STKLD1: variants seen among roughly 807,000 people sequenced by gnomAD.
STKLD1 encodes serine/threonine kinase-like domain-containing protein STKLD1.
STKLD1 carries 79 observed loss-of-function variants against 80.4 expected under a neutral mutation model. The ratio of observed to expected loss-of-function variants is 0.98; its 90% CI spans 0.82 to 1.19. The LOEUF (loss-of-function observed/expected upper bound fraction) is 1.19. Ranked by LOEUF, STKLD1 falls within the 50% of genes most tolerant of loss-of-function variation. The pLI, the probability that STKLD1 is intolerant of heterozygous loss-of-function variation, is 0.00. For missense variants in STKLD1, 841 were observed against 856.0 expected, an observed-to-expected ratio of 0.98 and a Z score of 0.22; for synonymous variants, 393 against 357.6, an observed-to-expected ratio of 1.10 and a Z score of -1.12.
chr9:133,401,986 G>T, intron 13 of STKLD1, 108 bp downstream of exon 13: 1 of 1,367,502 alleles, frequency 7.3e-7, no homozygotes, highest in Non-Finnish European at 9.8e-7. Context: ...GGACAGTGCT[G>T]GGCCTCCTCC....
At chr9:133,404,512 T>G (rs1010351312) in intron 16 of STKLD1, among the ~76,000 whole-genome samples, 1 of 152,190 alleles carries the variant, frequency 6.6e-6, no homozygotes, top group Non-Finnish European at 1.5e-5. Flanking sequence ...GCCTGGCAAC[T>G]CCGGGCTCAT....
In STKLD1 at chr9:133,394,274, C is replaced by T. The variant is rs1838499169; in HGVS notation, c.584-17C>T. 2 of 1,569,206 alleles carry T rather than the reference C, an allele frequency of 1.3e-6. No individual in the cohort carries two copies. The highest frequency in any genetic ancestry group is 1.8e-6 in the Non-Finnish European group (2 of 1,139,340). ...GGAGCAAAGGACTCAGGGATCCCAC[C>T]TTGCTTTTACCAACAGACCCCTTTC... On this transcript the variant is annotated splice_polypyrimidine_tract_variant and intron_variant, in intron 7 of 17. Coordinates refer to ENST00000371957, the MANE Select transcript of STKLD1 (RefSeq NM_153710.5). The surrounding 1 kb of genome is among the most constrained non-coding windows in gnomAD (Gnocchi z 4.9).
rs140796131 is a variant in STKLD1 at position 133,401,820 on chromosome 9, C to G, written c.1281C>G (p.Pro427=). The change falls in exon 13 of 18, where the codon CCC becomes CCG. Residue 427 remains proline, a synonymous_variant. Coordinates refer to ENST00000371957, the MANE Select transcript of STKLD1 (RefSeq NM_153710.5). ...TGCTGAGTGCTCTTCAGAGCCACCC[C>G]GAGGAGGAGCCACTTCTTGTCATGG... is the stretch of plus-strand genomic sequence containing the variant. ...STLLSALQSH[P]EEEPLLVMVY... is the part of the protein sequence containing the mutation. The G allele has an allele frequency of 6.2e-7, 1 of 1,613,664 alleles. No homozygotes were observed. Among genetic ancestry groups the G allele is most frequent in the Non-Finnish European group, 8.5e-7 (1 of 1,180,002 alleles).
intron 2 of STKLD1, among the ~76,000 whole-genome samples, chr9:133,381,881 A>G (rs1425741250): frequency 2.0e-5 from 3 of 152,238 alleles, no homozygotes; most frequent in African/African-American, 7.2e-5. Flanking sequence ...GGACAGTGCC[A>G]CTGGCATCTC....
At chr9:133,376,606 G>C in intron 1 of STKLD1, 46 bp downstream of exon 1, 2 of 1,508,378 alleles carry the variant, frequency 1.3e-6, no homozygotes, top group Middle Eastern at 1.7e-4. Context: ...GTGGGGTAAC[G>C]GTCGCAACCC....
At chr9:133,402,541 G>C (rs1429968780) in intron 13 of STKLD1, among the ~76,000 whole-genome samples, 1 of 152,268 alleles carries the variant, frequency 6.6e-6, no homozygotes, top group Non-Finnish European at 1.5e-5. Context: ...ATCCTACCGG[G>C]ATAGGGCCCC....
At chr9:133,380,032 A>G (rs1838096042) in intron 2 of STKLD1, among the ~76,000 whole-genome samples, 1 of 151,950 alleles carries the variant, frequency 6.6e-6, no homozygotes, top group South Asian at 2.1e-4. Flanking sequence ...CTGAGCAGTT[A>G]AGGAGCTTTT....
In STKLD1 at chr9:133,405,367, C is replaced by T. The variant is rs782645011; in HGVS notation, c.1989C>T (p.Leu663=). Residue 663 remains leucine, a synonymous_variant, in exon 18 of 18, where the codon CTC becomes CTT. Transcript: ENST00000371957. ...SDSSAFSKPG[L]PPGGSPQLGC... is the part of the protein sequence containing the mutation. ...GCAGCGCCTTCAGCAAACCAGGCCT[C>T]CCTCCAGGTGGAAGCCCCCAGCTGG... The T allele has an allele frequency of 6.2e-7, 1 of 1,612,464 alleles. No homozygotes were observed. Among genetic ancestry groups the T allele is most frequent in the Admixed American group, 1.7e-5 (1 of 60,006 alleles).
chr9:133,382,129 G>T (rs2130267625), intron 2 of STKLD1, among the ~76,000 whole-genome samples: 2 of 152,116 alleles, frequency 1.3e-5, no homozygotes, highest in Non-Finnish European at 2.9e-5. Flanking sequence ...ACCTCCACCC[G>T]GAGAGGGCAC....
intron 10 of STKLD1, 78 bp from the exon 11 acceptor site, chr9:133,397,894 C>A: frequency 1.7e-6 from 2 of 1,185,022 alleles, no homozygotes; most frequent in South Asian, 1.4e-5. Context: ...AGCAGCCAGC[C>A]CAGTGTGGTG....
intron 8 of STKLD1, 70 bp from the exon 9 acceptor site, chr9:133,395,530 C>T: frequency 6.5e-7 from 1 of 1,531,194 alleles, no homozygotes; most frequent in Non-Finnish European, 8.8e-7. Context: ...CCTGGTCGTC[C>T]CCTGCCCATG....
chr9:133,392,649 GGGT>G (rs1838432804), intron 7 of STKLD1, among the ~76,000 whole-genome samples: 4 of 97,178 alleles, frequency 4.1e-5, no homozygotes, highest in African/African-American at 1.4e-4. Context: ...ATAGGTGGGT[GGGT>G]GAGTGGATGG....
chr9:133,389,259 G>T lies in STKLD1; in HGVS notation c.397-267G>T. 5 of 985,388 alleles carry T rather than the reference G, an allele frequency of 5.1e-6. No individual in the cohort carries two copies. The South Asian group carries it at 2.3e-4, about 46-fold the overall frequency. 61.0% of individuals were successfully genotyped at this position (985,388 alleles called of 1,614,324 possible). A position where few individuals can be genotyped will look rare whatever the true frequency, so the allele number is the denominator to read the frequency against. Reference sequence around the variant, plus strand: ...CCACAGAGTAGGGTGCAGGGATGGGGCCCCTGCAGCACCCAGGGTCTCTGG... The same window carrying T: ...CCACAGAGTAGGGTGCAGGGATGGGTCCCCTGCAGCACCCAGGGTCTCTGG... On this transcript the variant is annotated intron_variant, in intron 5 of 17. Transcript: ENST00000371957. The surrounding 1 kb of genome is among the most constrained non-coding windows in gnomAD (Gnocchi z 6.4).
At chr9:133,383,998 C>A in intron 3 of STKLD1, 98 bp downstream of exon 3, 3 of 1,214,252 alleles carry the variant, frequency 2.5e-6, no homozygotes, top group East Asian at 2.3e-5. Flanking sequence ...GAAGAGAAGG[C>A]TGGAGGGAGG....
chr9:133,380,558 C>T (rs2130263846), intron 2 of STKLD1, among the ~76,000 whole-genome samples: 11 of 152,020 alleles, frequency 7.2e-5, no homozygotes, highest in Admixed American at 1.3e-4. Flanking sequence ...GGAGCTGACG[C>T]GGGAGAATTG....
intron 9 of STKLD1, chr9:133,395,983 C>T (rs959954426): frequency 1.3e-5 from 6 of 449,284 alleles, no homozygotes; most frequent in African/African-American, 1.2e-4. Flanking sequence ...CAGACTGACC[C>T]CCAGGAGGCA....
At chr9:133,399,961 C>T (rs1000546467) in intron 11 of STKLD1, among the ~76,000 whole-genome samples, 25 of 152,090 alleles carry the variant, frequency 1.6e-4, no homozygotes, top group Admixed American at 1.0e-3. Context: ...CTCTCATGAG[C>T]CTAGAGTGGA....
Position 133,402,860 on chromosome 9 carries a change from A to C in STKLD1, c.1340-18A>C. On this transcript the variant is annotated intron_variant, in intron 13 of 17. Coordinates refer to ENST00000371957, the MANE Select transcript of STKLD1 (RefSeq NM_153710.5). ...TGGAGGGAGGGGCCCTGGGGCCCTC[A>C]TTCTGGCTCACCCACAGAGTCAGAG... 1 of 1,594,172 alleles carries C rather than the reference A, an allele frequency of 6.3e-7. No homozygotes were observed. The highest frequency in any genetic ancestry group is 8.5e-7 in the Non-Finnish European group (1 of 1,170,168).
rs2130279332 is a variant in STKLD1, at chr9:133,387,389, G to T, written c.295-58G>T. 20 of 1,409,836 alleles carry T rather than the reference G, an allele frequency of 1.4e-5. No individual in the cohort carries two copies. In the African/African-American group the frequency reaches 2.1e-4, roughly 15 times the overall value. 87.3% of individuals were successfully genotyped at this position (1,409,836 alleles called of 1,614,324 possible). A position where few individuals can be genotyped will look rare whatever the true frequency, so the allele number is the denominator to read the frequency against. On this transcript the variant is annotated intron_variant, in intron 4 of 17. Coordinates refer to ENST00000371957, the MANE Select transcript of STKLD1 (RefSeq NM_153710.5). ...CGCAGGGAGGCCCTGGAGCAGGTGA[G>T]CCTGCAGAAGCACCGGGGCCTGGGC...
Sources: allele counts gnomAD v4.1 joint callset (sites outside exome capture counted in the v4.1 genomes callset), GRCh38; gene constraint gnomAD v4.1.1; non-coding constraint Gnocchi (gnomAD v3.1); transcripts MANE v1.5; gene names NCBI Gene and HGNC (gene_info 2026-07-23, HGNC 2026-07-21).